The following MAU2 variants were observed in gnomAD, a reference collection of about 807,000 sequenced individuals.
MAU2 encodes MAU2 chromatid cohesion factor homolog.
MAU2 carries 9 observed loss-of-function variants against 89.1 expected under a neutral mutation model. The observed-to-expected ratio is 0.10, with a 90% confidence interval of 0.06 to 0.18. MAU2 has a LOEUF of 0.18. Ranked by LOEUF, MAU2 falls within the 10% of genes least tolerant of loss-of-function variation. The probability of loss-of-function intolerance (pLI) is 1.00; values close to 1 mark genes in which losing one functional copy is unlikely to be tolerated. For synonymous variants in MAU2, 357 were observed against 343.4 expected (o/e 1.04, Z -0.44); for missense variants, 425 against 803.5 (o/e 0.53, Z 5.69).
At chr19:19,324,231 G>A (rs965087769) in intron 1 of MAU2, among the ~76,000 whole-genome samples, 5 of 152,176 alleles carry the variant, frequency 3.3e-5, no homozygotes, top group Non-Finnish European at 5.9e-5. Context: ...GTCTCTATTT[G>A]TGGGAGTGAC....
intron 1 of MAU2, among the ~76,000 whole-genome samples, chr19:19,323,926 AC>A (rs2061484657): frequency 6.6e-6 from 1 of 152,200 alleles, no homozygotes; most frequent in Non-Finnish European, 1.5e-5. Context: ...CTCAGTGATA[AC>A]CAGGTTACAT....
chr19:19,342,710 G>GGT (rs1369468143), intron 8 of MAU2, 29 bp downstream of exon 8: 12 of 1,612,044 alleles, frequency 7.4e-6, no homozygotes, highest in African/African-American at 1.3e-5. Context: ...CCGGGCCAGG[G>GGT]CTGGGGGCGG....
chr19:19,321,394 A>G, intron 1 of MAU2: 1 of 446,400 alleles, frequency 2.2e-6, no homozygotes, highest in Non-Finnish European at 3.9e-6. Context: ...CGTACTCTGA[A>G]AGTTGCCTGT....
chr19:19,336,092 G>C (rs2061594327), intron 2 of MAU2, 30 bp from the exon 3 acceptor site: 11 of 1,573,074 alleles, frequency 7.0e-6, no homozygotes, highest in Non-Finnish European at 9.6e-6. Flanking sequence ...TTTTCGCAGT[G>C]TCTGTACTTC....
Position 19,345,109 on chromosome 19 carries a change from ATCTTGTCCCACCCCACATTGGCTTGGG to A in MAU2, c.1155+187_1156-165del, listed in dbSNP as rs2061682560. 5 of 720,288 alleles carry A rather than the reference ATCTTGTCCCACCCCACATTGGCTTGGG, an allele frequency of 6.9e-6. No individual in the cohort carries two copies. The highest frequency in any genetic ancestry group is 1.2e-5 in the Non-Finnish European group (5 of 420,610). The allele number at this position is 720,288 out of a possible 1,614,324, so 44.6% of individuals were successfully genotyped here. A position where few individuals can be genotyped will look rare whatever the true frequency, so the allele number is the denominator to read the frequency against. On this transcript the variant is annotated intron_variant, in intron 11 of 18. Transcript: ENST00000262815. This position sits in a 1 kb window ranked among gnomAD's most constrained non-coding sequence, Gnocchi z 4.9. ...ACGATCCGGAATGCTCCCAGTGAGC[ATCTTGTCCCACCCCACATTGGCTTGGG>A]TCTGAAAGGTGGGGACAGTGAGCAT...
At chr19:19,327,121 C>CT (rs768273058) in intron 1 of MAU2, among the ~76,000 whole-genome samples, 17,042 of 114,230 alleles carry the variant, frequency 0.15, 1,606 homozygotes, top group South Asian at 0.25. Context: ...TCCCCAGGAG[C>CT]TTTTTTTTTT....
chr19:19,351,837 ATTTTTTT>A (rs35932608), intron 16 of MAU2, among the ~76,000 whole-genome samples: 1 of 58,916 alleles, frequency 1.7e-5, no homozygotes, highest in East Asian at 6.5e-4. Flanking sequence ...CTGTTTGGTA[ATTTTTTT>A]TTTTTTTTTT....
intron 12 of MAU2, chr19:19,347,056 C>A: frequency 1.9e-6 from 1 of 527,236 alleles, no homozygotes. Context: ...TGGTTTTCCT[C>A]TTCTGTGTTC....
chr19:19,342,473 G>A, intron 7 of MAU2, 62 bp from the exon 8 acceptor site: 3 of 1,502,086 alleles, frequency 2.0e-6, no homozygotes, highest in Non-Finnish European at 2.7e-6. Context: ...GGGTGGCTGG[G>A]CTGGGCCTGG....
At position 19,355,304 on chromosome 19, in the gene MAU2, A is replaced by G. The variant is rs772045180; in HGVS notation, c.1680A>G (p.Glu560=). The change falls in exon 18 of 19, where the codon GAA becomes GAG. Residue 560 remains glutamate, a synonymous_variant. Coordinates refer to ENST00000262815, the MANE Select transcript of MAU2 (RefSeq NM_015329.4). ...GTGGGAACGCCATGGATGCCCATGA[A>G]GCCGCCCAGATGCACCAGAACTTCT... ...KACGNAMDAH[E]AAQMHQNFSQ... is the part of the protein sequence containing the mutation. 11 of 1,614,114 alleles carry G rather than the reference A, an allele frequency of 6.8e-6. No individual in the cohort carries two copies. Among genetic ancestry groups the G allele is most frequent in the Non-Finnish European group, 7.6e-6 (9 of 1,179,990 alleles).
chr19:19,354,528 C>T (rs1452578950), intron 17 of MAU2, 83 bp downstream of exon 17: 2 of 1,286,140 alleles, frequency 1.6e-6, no homozygotes, highest in Non-Finnish European at 2.2e-6. Flanking sequence ...TCCTGCTCAG[C>T]CTTAGCTCGG....
At chr19:19,348,641 T>A in intron 13 of MAU2, 3 of 616,534 alleles carry the variant, frequency 4.9e-6, no homozygotes, top group Non-Finnish European at 8.7e-6. Flanking sequence ...ACAAAGGCCT[T>A]CTGGACGCCC....
chr19:19,353,869 C>T (rs2061763590), intron 16 of MAU2: 1 of 177,582 alleles, frequency 5.6e-6, no homozygotes, highest in Non-Finnish European at 1.2e-5. Flanking sequence ...AGCAGGGAGT[C>T]CGGATTGGAG....
At chr19:19,343,989 C>A in intron 10 of MAU2, 49 bp downstream of exon 10, 1 of 1,462,576 alleles carries the variant, frequency 6.8e-7, no homozygotes, top group Non-Finnish European at 9.5e-7. Context: ...TTTGTTGGGT[C>A]TCAGCAGTGT....
chr19:19,324,003 T>G (rs771987175), intron 1 of MAU2, among the ~76,000 whole-genome samples: 2 of 152,228 alleles, frequency 1.3e-5, no homozygotes, highest in Non-Finnish European at 2.9e-5. Flanking sequence ...CAACAGATAC[T>G]TGTTCAGCTC....
chr19:19,342,210 C>T (rs1389807264), intron 7 of MAU2, among the ~76,000 whole-genome samples: 1 of 152,182 alleles, frequency 6.6e-6, no homozygotes, highest in African/African-American at 2.4e-5. Flanking sequence ...ACAGCCTCCC[C>T]CTGCCGTCTC....
intron 1 of MAU2, among the ~76,000 whole-genome samples, chr19:19,323,281 G>A (rs1001631042): frequency 2.6e-5 from 4 of 151,082 alleles, no homozygotes; most frequent in Admixed American, 6.6e-5. Flanking sequence ...TGCAACTTCC[G>A]TCTCGTGGGT....
intron 13 of MAU2, 80 bp downstream of exon 13, chr19:19,347,446 C>T: frequency 1.9e-6 from 2 of 1,067,890 alleles, no homozygotes; most frequent in South Asian, 2.7e-5. Flanking sequence ...TCCTGGGCAC[C>T]AGCACATCTC....
chr19:19,326,991 C>T (rs1249427795), intron 1 of MAU2, among the ~76,000 whole-genome samples: 2 of 151,534 alleles, frequency 1.3e-5, no homozygotes, highest in Non-Finnish European at 2.9e-5. Flanking sequence ...TTTATATTTT[C>T]TATAGAGCTA....
Sources: gnomAD v4.1 joint callset for allele counts (sites outside exome capture counted in the v4.1 genomes callset) on GRCh38, gnomAD v4.1.1 for gene constraint, Gnocchi (gnomAD v3.1) non-coding constraint, MANE v1.5 for transcripts, NCBI Gene and HGNC (gene_info 2026-07-23, HGNC 2026-07-21) for gene names.